The following TMEM150B variants were observed in gnomAD, a reference collection of about 807,000 sequenced individuals.
The protein encoded by TMEM150B is transmembrane protein 150B.
In TMEM150B, 33 loss-of-function variants were observed where a neutral mutation model predicts 25.2. That is an observed-to-expected ratio of 1.31 (90% CI 0.99 to 1.75). The LOEUF (loss-of-function observed/expected upper bound fraction) is 1.75. TMEM150B is among the 40% of genes most tolerant of loss of function. The pLI is 0.00. For missense variants in TMEM150B, 322 were observed against 306.1 expected (o/e 1.05, Z -0.39); for synonymous variants, 133 against 134.8 (o/e 0.99, Z 0.09).
intron 2 of TMEM150B, among the ~76,000 whole-genome samples, chr19:55,322,429 G>A (rs1391591600): frequency 1.3e-5 from 2 of 152,136 alleles, no homozygotes; most frequent in African/African-American, 4.8e-5. Context: ...AGGTGCATGA[G>A]ATTGTGGCCA....
In TMEM150B at chr19:55,320,987, A is replaced by T; in HGVS notation, c.50T>A (p.Ile17Asn). ...LMPVFLAVWA[I>N]SGVWIVFAIA... ...CACTCACACGATCCAGACGCCAGAG[A>T]TAGCCCAGACAGCTAGGAAGACAGG... Residue 17 changes from isoleucine to asparagine, a missense_variant, in exon 3 of 8, where the codon ATC (isoleucine) becomes AAC (asparagine). Physicochemically the swap from Ile to Asn is moderately radical, Grantham distance 149. Coordinates refer to ENST00000326652, the MANE Select transcript of TMEM150B (RefSeq NM_001282011.2). 6.2e-7 allele frequency: 1 copy of T among 1,613,928 alleles called. No homozygotes were observed. Among genetic ancestry groups the T allele is most frequent in the Non-Finnish European group, 8.5e-7 (1 of 1,179,896 alleles).
chr19:55,317,148 G>C (rs948151515), intron 6 of TMEM150B, among the ~76,000 whole-genome samples, 182 bp from the exon 7 acceptor site: 1 of 152,194 alleles, frequency 6.6e-6, no homozygotes, highest in East Asian at 1.9e-4. Context: ...GAAATCTGTT[G>C]TTCACTGCTG....
chr19:55,323,802 C>CTTTT (rs367630607), intron 1 of TMEM150B, among the ~76,000 whole-genome samples: 13 of 100,884 alleles, frequency 1.3e-4, no homozygotes, highest in Non-Finnish European at 1.9e-4. Flanking sequence ...TGCGCCCAAC[C>CTTTT]TTTTTTTTTT....
At chr19:55,310,317 C>T (rs1432760515), downstream of TMEM150B, among the ~76,000 whole-genome samples, 2 of 152,100 alleles carry the variant, frequency 1.3e-5, no homozygotes, top group Admixed American at 6.6e-5. The surrounding 1 kb of genome is among the most constrained non-coding windows in gnomAD (Gnocchi z 5.0). Flanking sequence ...GGTTAAGGCC[C>T]GTTCCTCCAT....
rs983963267 is a variant in TMEM150B, at chr19:55,324,712, T to C, written c.-154+560A>G. ...ATAAATCCTGTCCCAGTGGGGCTGATAGAGGGCAAAGCTCTCCAAGTCCTC... is the reference window on the plus strand; with the variant it reads ...ATAAATCCTGTCCCAGTGGGGCTGACAGAGGGCAAAGCTCTCCAAGTCCTC... On this transcript the variant is annotated intron_variant, in intron 1 of 7. Coordinates refer to ENST00000326652, the MANE Select transcript of TMEM150B (RefSeq NM_001282011.2). 6.3e-5 allele frequency: 62 copies of C among 984,844 alleles called. No individual in the cohort carries two copies. The African/African-American group carries it at 9.8e-4, about 16-fold the overall frequency. The allele number at this position is 984,844 out of a possible 1,614,324, so 61.0% of individuals were successfully genotyped here.
downstream of TMEM150B, among the ~76,000 whole-genome samples, chr19:55,309,911 C>T (rs2088744688): frequency 6.6e-6 from 1 of 152,186 alleles, no homozygotes; most frequent in Admixed American, 6.6e-5. Context: ...CAGCCGTCTG[C>T]TCTGAGGGGA....
Position 55,322,349 on chromosome 19 carries a change from G to T in TMEM150B, c.-58+299C>A, listed in dbSNP as rs75637415. ...GGAGAATGAGAGGGGCTGAAGCTGG[G>T]CCCCTCTCGCTTTCCTCTTTCTCTC... On this transcript the variant is annotated intron_variant, in intron 2 of 7. Transcript: ENST00000326652. 3.6e-3 allele frequency among the ~76,000 whole-genome samples: 541 copies of T among 152,202 alleles called. 4 individuals are homozygous for T. The highest frequency in any genetic ancestry group is 0.011 in the African/African-American group (469 of 41,530).
chr19:55,312,891 C>A lies in TMEM150B; in HGVS notation c.670G>T (p.Ala224Ser), dbSNP rs568628330. 2.5e-6 allele frequency: 4 copies of A among 1,599,268 alleles called. 1 individual carries two copies. The South Asian group carries it at 4.5e-5, about 18-fold the overall frequency. Reference protein sequence around the residue: ...QPWPSLSPPPASPISLPVQL With the variant: ...QPWPSLSPPPSSPISLPVQL ...TGGACCGGCAGGGAGATGGGGGAGG[C>A]CGGCGGGGGGCTGAGGCTGGGCCAC... Residue 224 changes from alanine (A) to serine (S), a missense_variant, in exon 8 of 8, where the codon GCC (alanine) becomes TCC (serine). Transcript: ENST00000326652.
At chr19:55,320,017 C>CT in intron 6 of TMEM150B, 22 bp downstream of exon 6, 1 of 1,613,938 alleles carries the variant, frequency 6.2e-7, no homozygotes, top group Non-Finnish European at 8.5e-7. Flanking sequence ...GGGACAGACC[C>CT]TGGGCGCCGA....
intron 7 of TMEM150B, among the ~76,000 whole-genome samples, chr19:55,315,638 G>A (rs984205404): frequency 2.6e-5 from 4 of 152,222 alleles, no homozygotes; most frequent in African/African-American, 9.6e-5. Flanking sequence ...GCTGGCGCCT[G>A]TAGTCCCAGC....
At chr19:55,318,666 T>G (rs2089088242) in intron 6 of TMEM150B, among the ~76,000 whole-genome samples, 1 of 152,144 alleles carries the variant, frequency 6.6e-6, no homozygotes, top group South Asian at 2.1e-4. Flanking sequence ...ATATATTCTC[T>G]GTGGTCCATG....
In TMEM150B at chr19:55,321,102, C is replaced by A; in HGVS notation, c.-57-9G>T. ...ACCTGTCTCTCTCACACCTGAAGAACCAGCCCTCAAGGAGGGCCCAGGTGC... is the reference window on the plus strand; with the variant it reads ...ACCTGTCTCTCTCACACCTGAAGAAACAGCCCTCAAGGAGGGCCCAGGTGC... On this transcript the variant is annotated splice_polypyrimidine_tract_variant and intron_variant, in intron 2 of 7. Coordinates refer to ENST00000326652, the MANE Select transcript of TMEM150B (RefSeq NM_001282011.2). 6.4e-7 allele frequency: 1 copy of A among 1,558,060 alleles called. No individual in the cohort carries two copies. Among genetic ancestry groups the A allele is most frequent in the Non-Finnish European group, 8.7e-7 (1 of 1,153,514 alleles).
At position 55,320,581 on chromosome 19, in the gene TMEM150B, G is replaced by GACGC; in HGVS notation, c.104_105insGCGT (p.Ser36ArgfsTer3). The GACGC allele has an allele frequency of 6.2e-7, 1 of 1,613,754 alleles. No individual in the cohort carries two copies. Among genetic ancestry groups the GACGC allele is most frequent in the Non-Finnish European group, 8.5e-7 (1 of 1,179,900 alleles). On this transcript the variant is annotated frameshift_variant, in exon 4 of 8. Transcript: ENST00000326652. LOFTEE classifies it high-confidence loss of function. ...ACCTGATGTAGGGAAAGCCTTTACT[G>GACGC]AGGTCCACAGTCCTGTTGGTCACTG...
At chr19:55,324,804 G>T (rs972496411) in intron 1 of TMEM150B, 6 of 985,114 alleles carry the variant, frequency 6.1e-6, no homozygotes, top group Non-Finnish European at 7.2e-6. Context: ...TTCTTTTTCC[G>T]GAGGTCTCCG....
chr19:55,320,331 T>C (rs1057263872), intron 5 of TMEM150B, 60 bp downstream of exon 5: 4 of 1,502,516 alleles, frequency 2.7e-6, no homozygotes, highest in Non-Finnish European at 3.6e-6. Context: ...AAAGGAGCGG[T>C]TTCGGAACTC....
rs1481553314 is a variant in TMEM150B at position 55,320,612 on chromosome 19, G to C, written c.74C>G (p.Ala25Gly). ...CACAGTCCTGTTGGTCACTGCAATG[G>C]CAAAACTACGGAGGAAATCAGAGTG... ...WAISGVWIVF[A>G]IAVTNRTVDL... The change falls in exon 4 of 8, where the codon GCC becomes GGC. Residue 25 changes from alanine (A) to glycine (G), a missense_variant. Physicochemically the swap from Ala to Gly is moderately conservative, Grantham distance 60. Transcript: ENST00000326652. 6.2e-7 allele frequency: 1 copy of C among 1,613,628 alleles called. No individual in the cohort carries two copies. Among genetic ancestry groups the C allele is most frequent in the African/African-American group, 1.3e-5 (1 of 74,886 alleles).
In TMEM150B at chr19:55,320,461, G is replaced by A. The variant is rs1296376488; in HGVS notation, c.129-3C>T. Reference sequence around the variant, plus strand: ...GAGGGGGGAAGGATCCGCAGATGCTGGGGAAGACAAAGGGGTCATCCTGGG... The same window carrying A: ...GAGGGGGGAAGGATCCGCAGATGCTAGGGAAGACAAAGGGGTCATCCTGGG... On this transcript the variant is annotated splice_region_variant and splice_polypyrimidine_tract_variant and intron_variant, in intron 4 of 7. Coordinates refer to ENST00000326652, the MANE Select transcript of TMEM150B (RefSeq NM_001282011.2). 1 of 1,596,646 alleles carries A rather than the reference G, an allele frequency of 6.3e-7. No homozygotes were observed. Among genetic ancestry groups the A allele is most frequent in the Non-Finnish European group, 8.5e-7 (1 of 1,170,364 alleles).
intron 6 of TMEM150B, among the ~76,000 whole-genome samples, chr19:55,317,655 C>T (rs1047802248): frequency 2.0e-5 from 3 of 152,004 alleles, no homozygotes; most frequent in Non-Finnish European, 4.4e-5. Context: ...GTGGCGGGCA[C>T]CTGTAATCCC....
At chr19:55,314,166 C>T (rs1175441359) in intron 7 of TMEM150B, among the ~76,000 whole-genome samples, 3 of 152,150 alleles carry the variant, frequency 2.0e-5, no homozygotes, top group Non-Finnish European at 4.4e-5. Context: ...GGACTACAGG[C>T]GTGTGCCACC....
Sources: allele counts gnomAD v4.1 joint callset (sites outside exome capture counted in the v4.1 genomes callset), GRCh38; gene constraint gnomAD v4.1.1; non-coding constraint Gnocchi (gnomAD v3.1); transcripts MANE v1.5; gene names NCBI Gene and HGNC (gene_info 2026-07-23, HGNC 2026-07-21).